The following MEGF11 variants were observed in gnomAD, a reference collection of about 807,000 sequenced individuals.
MEGF11 encodes the protein multiple epidermal growth factor-like domains protein 11.
In MEGF11, 126 loss-of-function variants were observed where a neutral mutation model predicts 146.6. The ratio of observed to expected loss-of-function variants is 0.86; its 90% CI spans 0.74 to 1.00. MEGF11 has a LOEUF of 1.00. Ranked by LOEUF, MEGF11 falls within the 50% of genes least tolerant of loss-of-function variation. The pLI is 0.00. For synonymous variants in MEGF11, 532 were observed against 583.4 expected, an observed-to-expected ratio of 0.91 and a Z score of 1.27; for missense variants, 1,509 against 1,521.2, an observed-to-expected ratio of 0.99 and a Z score of 0.13.
At chr15:66,071,263 G>T (rs1315562846) in intron 5 of MEGF11, among the ~76,000 whole-genome samples, 1 of 152,166 alleles carries the variant, frequency 6.6e-6, no homozygotes, top group African/African-American at 2.4e-5. Context: ...TCCTTGAGGG[G>T]AAGAGCTGAC....
intron 1 of MEGF11, among the ~76,000 whole-genome samples, chr15:66,219,616 T>A (rs2091681079): frequency 6.6e-6 from 1 of 152,314 alleles, no homozygotes; most frequent in South Asian, 2.1e-4. Context: ...CTGATGGGAA[T>A]TTGAAATGGT....
intron 1 of MEGF11, among the ~76,000 whole-genome samples, chr15:66,151,630 C>T (rs2089574486): frequency 6.6e-6 from 1 of 152,190 alleles, no homozygotes. Flanking sequence ...GTTTCCCTTC[C>T]TGCTTCCTAG....
chr15:66,110,068 C>T (rs980111775), intron 4 of MEGF11, among the ~76,000 whole-genome samples: 11 of 152,118 alleles, frequency 7.2e-5, no homozygotes, highest in African/African-American at 1.9e-4. Context: ...GTACAGAGTA[C>T]TTGTACCAAC....
At chr15:66,102,432 T>C in intron 4 of MEGF11, among the ~76,000 whole-genome samples, 1 of 145,688 alleles carries the variant, frequency 6.9e-6, no homozygotes, top group African/African-American at 2.7e-5. Flanking sequence ...TTAAACATTT[T>C]CTTTTTTTTT....
Position 65,897,814 on chromosome 15 carries a change from A to G in MEGF11, c.*120T>C, listed in dbSNP as rs1422994572. On this transcript the variant is annotated 3_prime_UTR_variant, in exon 26 of 26. Coordinates refer to ENST00000395614, the MANE Select transcript of MEGF11 (RefSeq NM_001385028.1). The stretch of plus-strand genomic sequence containing the variant: ...GGACGCTCTTCTTTAGTTCCAGGTG[A>G]ACGTAATAACTAACATGCAGCTGGA... 4 of 926,982 alleles carry G rather than the reference A, an allele frequency of 4.3e-6. No homozygotes were observed. In the Admixed American group the frequency reaches 1.1e-4, roughly 25 times the overall value. The allele number at this position is 926,982 out of a possible 1,614,324, so 57.4% of individuals were successfully genotyped here.
intron 1 of MEGF11, among the ~76,000 whole-genome samples, chr15:66,173,014 G>A (rs2090302510): frequency 6.6e-6 from 1 of 152,154 alleles, no homozygotes; most frequent in Non-Finnish European, 1.5e-5. Context: ...TGCTATCAGG[G>A]CTCAAAGAAC....
At chr15:66,055,382 A>T (rs1001509864) in intron 5 of MEGF11, among the ~76,000 whole-genome samples, 5 of 152,246 alleles carry the variant, frequency 3.3e-5, no homozygotes, top group African/African-American at 1.2e-4. Flanking sequence ...ACTGTAAAAG[A>T]TGTAATTTAA....
At chr15:66,124,364 G>A (rs1330728364) in intron 2 of MEGF11, among the ~76,000 whole-genome samples, 2 of 152,182 alleles carry the variant, frequency 1.3e-5, no homozygotes, top group Non-Finnish European at 2.9e-5. Context: ...ATATCTTTAT[G>A]GTTTTCAAAG....
chr15:65,910,014 C>T, intron 21 of MEGF11: 1 of 683,530 alleles, frequency 1.5e-6, no homozygotes, highest in South Asian at 1.5e-5. Context: ...TACCCCACCC[C>T]AGCTGTTGGG....
intron 7 of MEGF11, among the ~76,000 whole-genome samples, chr15:65,973,156 G>A (rs927864830): frequency 5.3e-5 from 8 of 151,710 alleles, no homozygotes; most frequent in Admixed American, 5.2e-4. Flanking sequence ...AAAAAGAAAG[G>A]CATGAATTCC....
At chr15:66,078,424 C>G (rs1302011178) in intron 5 of MEGF11, among the ~76,000 whole-genome samples, 1 of 152,230 alleles carries the variant, frequency 6.6e-6, no homozygotes, top group Non-Finnish European at 1.5e-5. Flanking sequence ...CCTCGGCTCT[C>G]TAACCCCACC....
At chr15:66,033,309 C>T (rs1253203780) in intron 5 of MEGF11, among the ~76,000 whole-genome samples, 4 of 152,104 alleles carry the variant, frequency 2.6e-5, no homozygotes, top group Non-Finnish European at 5.9e-5. Context: ...TAACAGGCCC[C>T]GAGCTCTAGG....
intron 5 of MEGF11, among the ~76,000 whole-genome samples, chr15:66,070,692 C>T (rs1039737907): frequency 2.5e-4 from 38 of 152,168 alleles, no homozygotes; most frequent in Non-Finnish European, 4.4e-4. Flanking sequence ...CTCCCCACCC[C>T]GCAGCAGCGG....
rs79994384 is a variant in MEGF11, at chr15:66,043,363, G to T, written c.394+51039C>A. On this transcript the variant is annotated intron_variant, in intron 5 of 25. Coordinates refer to ENST00000395614, the MANE Select transcript of MEGF11 (RefSeq NM_001385028.1). ...AACAGGGCCTTGCCAGGCCAGCTGG[G>T]ATGCTGGGGGCGTCCTGGGGGACTG... Among the ~76,000 whole-genome samples, 264 of 152,350 alleles carry T rather than the reference G, an allele frequency of 1.7e-3. 5 individuals are homozygous for T. The East Asian group carries it at 0.028, about 16-fold the overall frequency.
At chr15:65,947,053 G>GT (rs1265230190) in intron 10 of MEGF11, among the ~76,000 whole-genome samples, 4 of 152,130 alleles carry the variant, frequency 2.6e-5, no homozygotes, top group East Asian at 3.9e-4. Context: ...TTTTTGTTAT[G>GT]TTTTTTCTGT....
At chr15:66,046,658 C>A (rs2084216881) in intron 5 of MEGF11, among the ~76,000 whole-genome samples, 1 of 152,176 alleles carries the variant, frequency 6.6e-6, no homozygotes, top group Non-Finnish European at 1.5e-5. Context: ...AAAGGATTTG[C>A]CCATTTGTAG....
At chr15:66,028,213 C>T (rs1359132436) in intron 5 of MEGF11, among the ~76,000 whole-genome samples, 1 of 152,206 alleles carries the variant, frequency 6.6e-6, no homozygotes, top group African/African-American at 2.4e-5. Flanking sequence ...TGTCTTATCT[C>T]TGCAGCCCCT....
intron 1 of MEGF11, among the ~76,000 whole-genome samples, chr15:66,240,091 C>T (rs2092178838): frequency 6.6e-6 from 1 of 152,214 alleles, no homozygotes; most frequent in Admixed American, 6.5e-5. Flanking sequence ...GCCCTGAGCT[C>T]CACCCCAGCC....
intron 5 of MEGF11, among the ~76,000 whole-genome samples, chr15:66,090,270 A>AAAAC (rs1448638392): frequency 6.6e-6 from 1 of 152,224 alleles, no homozygotes; most frequent in African/African-American, 2.4e-5. Context: ...ATGGATCTTC[A>AAAAC]AAACCCTCCC....
Sources: allele counts gnomAD v4.1 joint callset (sites outside exome capture counted in the v4.1 genomes callset), GRCh38; gene constraint gnomAD v4.1.1; transcripts MANE v1.5; gene names NCBI Gene and HGNC (gene_info 2026-07-23, HGNC 2026-07-21).